Variants in ARHGEF3 observed in about 807,000 individuals in gnomAD.
ARHGEF3 encodes the protein Rho guanine nucleotide exchange factor 3, also known as 59.8 kDA protein.
A neutral mutation model predicts 63.2 loss-of-function variants in ARHGEF3; 28 were observed. The ratio of observed to expected loss-of-function variants is 0.44; its 90% CI spans 0.33 to 0.61. The LOEUF is 0.61. Among genes scored for constraint, ARHGEF3 ranks in the 20% least tolerant of loss-of-function variants. ARHGEF3 has a pLI of 0.03. For synonymous variants in ARHGEF3, 266 were observed against 254.2 expected, an observed-to-expected ratio of 1.05 and a Z score of -0.44; for missense variants, 533 against 659.3, an observed-to-expected ratio of 0.81 and a Z score of 2.10.
At chr3:56,995,319 C>G (rs1363857108) in intron 2 of ARHGEF3, among the ~76,000 whole-genome samples, 1 of 152,102 alleles carries the variant, frequency 6.6e-6, no homozygotes, top group African/African-American at 2.4e-5. Flanking sequence ...ACTTTGACAA[C>G]TGTCCTTTAC....
At chr3:57,004,971 A>T (rs866307830) in intron 2 of ARHGEF3, among the ~76,000 whole-genome samples, 45 of 148,128 alleles carry the variant, frequency 3.0e-4, no homozygotes, top group African/African-American at 4.5e-4. Context: ...AAAATAAATA[A>T]ATATATATAT....
rs370105983 is a variant in ARHGEF3, at chr3:56,983,315, T to C, written c.63-24426A>G. Among the ~76,000 whole-genome samples, 27 of 152,230 alleles carry C rather than the reference T, an allele frequency of 1.8e-4. No homozygotes were observed. The East Asian group carries it at 2.9e-3, about 16-fold the overall frequency. On this transcript the variant is annotated intron_variant, in intron 2 of 12. Coordinates refer to the ARHGEF3 transcript ENST00000338458. ...ACCATGGTCTGCTAGGGTTGAGTGG[T>C]AGCTGCCCCCTTCAGATGGACCATG...
intron 2 of ARHGEF3, among the ~76,000 whole-genome samples, chr3:56,985,585 G>C (rs1701501487): frequency 6.6e-6 from 1 of 152,242 alleles, no homozygotes; most frequent in African/African-American, 2.4e-5. Context: ...TCCACAGACA[G>C]GTGGGCAGCA....
At chr3:56,968,177 T>TC in intron 2 of ARHGEF3, among the ~76,000 whole-genome samples, 1 of 20,978 alleles carries the variant, frequency 4.8e-5, no homozygotes, top group South Asian at 2.6e-3. Flanking sequence ...ATAATATATA[T>TC]AAAAATATAT....
At chr3:56,845,032 C>T (rs1264351550) in intron 4 of ARHGEF3, among the ~76,000 whole-genome samples, 3 of 152,198 alleles carry the variant, frequency 2.0e-5, no homozygotes, top group South Asian at 2.1e-4. Context: ...TGTTGAAAGG[C>T]CCATGTGGCA....
At chr3:56,945,474 T>C (rs1182219115) in intron 3 of ARHGEF3, among the ~76,000 whole-genome samples, 2 of 152,228 alleles carry the variant, frequency 1.3e-5, no homozygotes, top group African/African-American at 4.8e-5. Context: ...GATTATATCC[T>C]GTGCCTGGCT....
intron 2 of ARHGEF3, among the ~76,000 whole-genome samples, chr3:57,032,600 C>T (rs912823323): frequency 1.3e-5 from 2 of 152,186 alleles, no homozygotes; most frequent in Non-Finnish European, 2.9e-5. Flanking sequence ...GGAGAAACAA[C>T]ACAACTTCCT....
intron 4 of ARHGEF3, among the ~76,000 whole-genome samples, chr3:56,860,534 A>AAAATATTCTG (rs2040038130): frequency 6.6e-6 from 1 of 152,208 alleles, no homozygotes; most frequent in African/African-American, 2.4e-5. Flanking sequence ...ATGGGCATAC[A>AAAATATTCTG]AAATATTCTG....
intron 4 of ARHGEF3, among the ~76,000 whole-genome samples, chr3:56,834,426 G>A (rs924736889): frequency 7.2e-5 from 11 of 151,954 alleles, no homozygotes; most frequent in Non-Finnish European, 1.5e-4. Context: ...ATTTAATAAC[G>A]CTATATCCCA....
intron 2 of ARHGEF3, among the ~76,000 whole-genome samples, chr3:56,961,977 T>G (rs1263480012): frequency 6.6e-6 from 1 of 152,126 alleles, no homozygotes; most frequent in African/African-American, 2.4e-5. Flanking sequence ...CCCAGAAGTT[T>G]GAGGTTGCAA....
intron 2 of ARHGEF3, among the ~76,000 whole-genome samples, chr3:56,996,217 G>A (rs1158574188): frequency 6.6e-6 from 1 of 152,066 alleles, no homozygotes; most frequent in African/African-American, 2.4e-5. Flanking sequence ...GGTCTGCTGA[G>A]CCACCCTCCC....
chr3:56,914,006 C>G (rs977028941), intron 3 of ARHGEF3, among the ~76,000 whole-genome samples: 1 of 152,134 alleles, frequency 6.6e-6, no homozygotes, highest in Non-Finnish European at 1.5e-5. Context: ...GACTATTATT[C>G]TAAGTGAAGT....
chr3:56,826,298 A>C (rs1236992435), intron 4 of ARHGEF3, among the ~76,000 whole-genome samples: 1 of 152,220 alleles, frequency 6.6e-6, no homozygotes, highest in Non-Finnish European at 1.5e-5. Context: ...TTGCTTAAAG[A>C]AATTTGAGCT....
At chr3:57,069,519 G>A (rs1025184499) in intron 1 of ARHGEF3, among the ~76,000 whole-genome samples, 3 of 152,014 alleles carry the variant, frequency 2.0e-5, no homozygotes, top group African/African-American at 7.3e-5. Context: ...AGAAAACAAG[G>A]TTCCAAGTGA....
intron 4 of ARHGEF3, among the ~76,000 whole-genome samples, chr3:56,836,414 A>G (rs2108091961): frequency 6.6e-6 from 1 of 152,282 alleles, no homozygotes; most frequent in South Asian, 2.1e-4. Flanking sequence ...TACAAATCTC[A>G]CCATGAGATT....
intron 4 of ARHGEF3, among the ~76,000 whole-genome samples, chr3:56,822,040 A>C (rs1342986121): frequency 2.2e-5 from 3 of 138,452 alleles, no homozygotes; most frequent in South Asian, 4.4e-4. Flanking sequence ...GAAGCGAGGA[A>C]AAGAAAAGAA....
chr3:57,002,816 C>G (rs1184090275), intron 2 of ARHGEF3, among the ~76,000 whole-genome samples: 1 of 148,820 alleles, frequency 6.7e-6, no homozygotes, highest in Non-Finnish European at 1.5e-5. Flanking sequence ...GCTCTGTCAC[C>G]AGGCTGGAGT....
Position 56,729,343 on chromosome 3 carries a change from C to A in ARHGEF3, c.1508G>T (p.Ser503Ile). Residue 503 changes from serine (S) to isoleucine (I), a missense_variant, in exon 10 of 10, where the codon AGC (serine) becomes ATC (isoleucine). Physicochemically the swap from Ser to Ile is moderately radical, Grantham distance 142. Transcript: ENST00000296315. ...CTGTTCCATGCGCTCACAGTCGAGGCTGACCTCACTCGTGTCCATACTACA... is the reference window on the plus strand; with the variant it reads ...CTGTTCCATGCGCTCACAGTCGAGGATGACCTCACTCGTGTCCATACTACA... ...SDCSMDTSEV[S>I]LDCERMEQTD... is the part of the protein sequence containing the mutation. 1 of 1,614,144 alleles carries A rather than the reference C, an allele frequency of 6.2e-7. No homozygotes were observed. The highest frequency in any genetic ancestry group is 1.1e-5 in the South Asian group (1 of 91,072).
intron 3 of ARHGEF3, chr3:56,916,539 C>T: frequency 7.7e-7 from 1 of 1,304,504 alleles, no homozygotes; most frequent in Non-Finnish European, 9.9e-7. Context: ...TCAAGAGCTC[C>T]CCACCTCTCC....
Sources: allele counts gnomAD v4.1 joint callset (sites outside exome capture counted in the v4.1 genomes callset), GRCh38; gene constraint gnomAD v4.1.1; transcripts MANE v1.5; gene names NCBI Gene and HGNC (gene_info 2026-07-23, HGNC 2026-07-21).